The following DDX10 variants were observed in gnomAD, a reference collection of about 807,000 sequenced individuals.
DDX10 encodes probable ATP-dependent RNA helicase DDX10.
In DDX10, 74 loss-of-function variants were observed where a neutral mutation model predicts 104.3. That is an observed-to-expected ratio of 0.71 (90% CI 0.59 to 0.86). The LOEUF (loss-of-function observed/expected upper bound fraction) is 0.86, where lower values mean the gene tolerates loss of function less well. Among genes scored for constraint, DDX10 ranks in the 40% least tolerant of loss-of-function variants. The probability of loss-of-function intolerance (pLI) is 0.00; values close to 1 mark genes in which losing one functional copy is unlikely to be tolerated. For missense variants in DDX10, 952 were observed against 1,040.0 expected (o/e 0.92, Z 1.16); for synonymous variants, 351 against 353.4 (o/e 0.99, Z 0.08).
rs1459791285 is a variant in DDX10 at position 108,775,769 on chromosome 11, A to G, written c.1965+52307A>G. Among the ~76,000 whole-genome samples, 3 of 152,296 alleles carry G rather than the reference A, an allele frequency of 2.0e-5. No homozygotes were observed. In the East Asian group the frequency reaches 5.8e-4, roughly 29 times the overall value. Reference sequence around the variant, plus strand: ...TTTTCTTTTTTACATTTTGAGGCATACTTTACATGCAATATAGCCACATAT... The same window carrying G: ...TTTTCTTTTTTACATTTTGAGGCATGCTTTACATGCAATATAGCCACATAT... On this transcript the variant is annotated intron_variant, in intron 13 of 17. Coordinates refer to ENST00000322536, the MANE Select transcript of DDX10 (RefSeq NM_004398.4).
intron 16 of DDX10, among the ~76,000 whole-genome samples, chr11:108,867,958 A>G (rs1016192635): frequency 1.3e-5 from 2 of 152,082 alleles, no homozygotes; most frequent in African/African-American, 4.8e-5. Flanking sequence ...GCAGCCCTCC[A>G]TATATGGTCT....
chr11:108,913,670 T>C (rs887631467), intron 16 of DDX10, among the ~76,000 whole-genome samples: 4 of 152,202 alleles, frequency 2.6e-5, no homozygotes, highest in African/African-American at 9.7e-5. Flanking sequence ...TTTCCTTTTA[T>C]GGTCCCATTT....
At chr11:108,778,815 C>T (rs1397640340) in intron 13 of DDX10, among the ~76,000 whole-genome samples, 1 of 152,166 alleles carries the variant, frequency 6.6e-6, no homozygotes, top group African/African-American at 2.4e-5. Flanking sequence ...GGCTAATATC[C>T]AGAATCTACA....
chr11:108,910,596 G>A (rs1324683793), intron 16 of DDX10, among the ~76,000 whole-genome samples: 2 of 152,130 alleles, frequency 1.3e-5, no homozygotes, highest in Non-Finnish European at 2.9e-5. Context: ...TCCTGTTTTA[G>A]GTGAAGTAAT....
chr11:108,771,102 G>T (rs1299186390), intron 13 of DDX10, among the ~76,000 whole-genome samples: 1 of 152,198 alleles, frequency 6.6e-6, no homozygotes, highest in Non-Finnish European at 1.5e-5. Flanking sequence ...CTGATGATTA[G>T]TGATGTTGAG....
intron 16 of DDX10, among the ~76,000 whole-genome samples, chr11:108,857,483 C>T (rs541535737): frequency 6.6e-6 from 1 of 152,262 alleles, no homozygotes; most frequent in African/African-American, 2.4e-5. Context: ...AGAGCACCGC[C>T]AATAATTACA....
At chr11:108,691,541 G>T (rs947650851) in intron 7 of DDX10, among the ~76,000 whole-genome samples, 1 of 152,122 alleles carries the variant, frequency 6.6e-6, no homozygotes, top group Non-Finnish European at 1.5e-5. Flanking sequence ...TAATTGCTGA[G>T]TCTGAGAGGA....
chr11:108,819,741 G>A (rs889955903), intron 13 of DDX10, among the ~76,000 whole-genome samples: 25 of 152,104 alleles, frequency 1.6e-4, no homozygotes, highest in African/African-American at 5.8e-4. Context: ...TGGGATTACA[G>A]GTGCCTGCCA....
intron 11 of DDX10, among the ~76,000 whole-genome samples, chr11:108,718,423 CA>C (rs1051019538): frequency 3.3e-5 from 5 of 152,122 alleles, no homozygotes; most frequent in African/African-American, 1.2e-4. Context: ...CAAACATGTA[CA>C]TTTTTTTTCT....
At chr11:108,737,869 C>A (rs535068426) in intron 13 of DDX10, among the ~76,000 whole-genome samples, 50 of 152,214 alleles carry the variant, frequency 3.3e-4, no homozygotes, top group African/African-American at 1.2e-3. Context: ...CCTATTATAT[C>A]TTTGGGTGAT....
intron 8 of DDX10, 120 bp downstream of exon 8, chr11:108,692,158 A>G: frequency 1.1e-6 from 1 of 894,468 alleles, no homozygotes. Context: ...ATTTTGTAAG[A>G]GAAAAGTAAG....
intron 17 of DDX10, among the ~76,000 whole-genome samples, chr11:108,940,033 T>C (rs751888690): frequency 1.1e-4 from 16 of 152,160 alleles, no homozygotes; most frequent in Non-Finnish European, 1.3e-4. Flanking sequence ...GATGACCCAG[T>C]GTGAACAAAG....
chr11:108,861,992 A>T (rs1380674739), intron 16 of DDX10, among the ~76,000 whole-genome samples: 1 of 151,892 alleles, frequency 6.6e-6, no homozygotes, highest in Non-Finnish European at 1.5e-5. Flanking sequence ...GCACCACCGC[A>T]CTCCAGCCAA....
intron 13 of DDX10, among the ~76,000 whole-genome samples, chr11:108,809,992 G>A (rs1862156180): frequency 6.6e-6 from 1 of 152,114 alleles, no homozygotes; most frequent in Non-Finnish European, 1.5e-5. Context: ...TTTATATGTG[G>A]TTACTGTTAG....
At chr11:108,739,131 T>C (rs912505916) in intron 13 of DDX10, among the ~76,000 whole-genome samples, 2 of 152,182 alleles carry the variant, frequency 1.3e-5, no homozygotes, top group African/African-American at 4.8e-5. Context: ...CATAAAATCG[T>C]GTGGACAAGT....
intron 16 of DDX10, among the ~76,000 whole-genome samples, chr11:108,882,486 G>C (rs1863240123): frequency 6.6e-6 from 1 of 152,172 alleles, no homozygotes; most frequent in East Asian, 1.9e-4. Context: ...CAATCTGTTT[G>C]ACTAAAGAAG....
intron 10 of DDX10, among the ~76,000 whole-genome samples, chr11:108,710,250 A>G (rs1224850817): frequency 6.6e-6 from 1 of 152,118 alleles, no homozygotes; most frequent in Non-Finnish European, 1.5e-5. Flanking sequence ...AACACTGTAC[A>G]CGTAGGCTAC....
intron 10 of DDX10, among the ~76,000 whole-genome samples, chr11:108,707,766 T>C (rs2094278221): frequency 6.6e-6 from 1 of 152,192 alleles, no homozygotes. Flanking sequence ...AATAAAAATA[T>C]GTTAAACCAC....
At chr11:108,725,143 A>C (rs2094303761) in intron 13 of DDX10, among the ~76,000 whole-genome samples, 1 of 152,028 alleles carries the variant, frequency 6.6e-6, no homozygotes, top group Non-Finnish European at 1.5e-5. Context: ...ACGTTATTGC[A>C]TGCATCAGTA....
Sources: allele counts gnomAD v4.1 joint callset (sites outside exome capture counted in the v4.1 genomes callset), GRCh38; gene constraint gnomAD v4.1.1; transcripts MANE v1.5; gene names NCBI Gene and HGNC (gene_info 2026-07-23, HGNC 2026-07-21).